Variants in KAZN observed in about 807,000 individuals in gnomAD.
KAZN encodes kazrin, periplakin interacting protein, also known as kazrin.
In KAZN, 40 loss-of-function variants were observed where a neutral mutation model predicts 87.4. The ratio of observed to expected loss-of-function variants is 0.46; its 90% confidence interval spans 0.36 to 0.60. The LOEUF (loss-of-function observed/expected upper bound fraction) is 0.60. Among genes scored for constraint, KAZN ranks in the 20% least tolerant of loss-of-function variants. The pLI is 0.00. For missense variants in KAZN, 898 were observed against 1,073.9 expected, an observed-to-expected ratio of 0.84 and a Z score of 2.29; for synonymous variants, 466 against 458.3, an observed-to-expected ratio of 1.02 and a Z score of -0.22.
intron 1 of KAZN, among the ~76,000 whole-genome samples, chr1:14,148,710 A>G (rs907695589): frequency 1.3e-5 from 2 of 152,300 alleles, no homozygotes; most frequent in Admixed American, 1.3e-4. Flanking sequence ...GTTGATGCGA[A>G]AGCAGATGGG....
chr1:14,825,882 C>T (rs551821336), intron 1 of KAZN, among the ~76,000 whole-genome samples: 9 of 152,330 alleles, frequency 5.9e-5, no homozygotes, highest in Non-Finnish European at 1.2e-4. Flanking sequence ...TTCTGTCTCT[C>T]TGGTCCACAC....
chr1:14,381,101 C>T (rs951376374), intron 2 of KAZN, among the ~76,000 whole-genome samples: 1 of 152,100 alleles, frequency 6.6e-6, no homozygotes, highest in Non-Finnish European at 1.5e-5. Context: ...TGCCAAGCCA[C>T]CACTGGAGCA....
intron 1 of KAZN, among the ~76,000 whole-genome samples, chr1:14,918,892 C>T (rs1236792091): frequency 6.6e-6 from 1 of 151,290 alleles, no homozygotes; most frequent in Non-Finnish European, 1.5e-5. Flanking sequence ...ACTGGAAGAC[C>T]CAGCTAAGCC....
intron 1 of KAZN, among the ~76,000 whole-genome samples, chr1:13,932,568 CAT>C (rs1640568838): frequency 6.6e-6 from 1 of 152,132 alleles, no homozygotes; most frequent in African/African-American, 2.4e-5. Context: ...CCTTATTAAA[CAT>C]ATTAAATCCA....
intron 2 of KAZN, among the ~76,000 whole-genome samples, chr1:14,345,650 G>A (rs1018538154): frequency 3.9e-5 from 6 of 152,164 alleles, no homozygotes; most frequent in African/African-American, 1.4e-4. Context: ...GATGATGACT[G>A]TCTTGGAACG....
At chr1:14,585,423 C>T (rs1313160780) in intron 2 of KAZN, among the ~76,000 whole-genome samples, 1 of 152,188 alleles carries the variant, frequency 6.6e-6, no homozygotes, top group Non-Finnish European at 1.5e-5. Context: ...GGGTTTACCT[C>T]AGGCCAGGTT....
intron 13 of KAZN, among the ~76,000 whole-genome samples, chr1:15,104,938 C>T (rs1332436290): frequency 2.6e-5 from 4 of 152,204 alleles, no homozygotes; most frequent in Non-Finnish European, 4.4e-5. Flanking sequence ...GTCCTTTATT[C>T]TATCAATATG....
intron 1 of KAZN, among the ~76,000 whole-genome samples, chr1:14,891,899 G>A (rs977760286): frequency 2.0e-5 from 3 of 152,094 alleles, no homozygotes; most frequent in Non-Finnish European, 4.4e-5. Context: ...GCAGTAAGAC[G>A]TGTCCATGAG....
chr1:14,119,782 T>A (rs1467488490), intron 1 of KAZN, among the ~76,000 whole-genome samples: 1 of 152,182 alleles, frequency 6.6e-6, no homozygotes, highest in African/African-American at 2.4e-5. Flanking sequence ...TGTGCACATC[T>A]GTCTCGTGTC....
intron 2 of KAZN, among the ~76,000 whole-genome samples, chr1:14,228,766 G>T (rs978341805): frequency 2.0e-5 from 3 of 152,200 alleles, no homozygotes; most frequent in Non-Finnish European, 4.4e-5. Context: ...AACATGAGCT[G>T]AATGTAAAAT....
chr1:14,716,271 CATTT>C (rs1489304315), intron 1 of KAZN, among the ~76,000 whole-genome samples: 2 of 152,116 alleles, frequency 1.3e-5, no homozygotes, highest in Non-Finnish European at 2.9e-5. Flanking sequence ...GATTATTTCA[CATTT>C]AAATTAATGG....
intron 2 of KAZN, among the ~76,000 whole-genome samples, chr1:14,590,415 T>C (rs1676125477): frequency 6.6e-6 from 1 of 151,930 alleles, no homozygotes; most frequent in Non-Finnish European, 1.5e-5. Context: ...CCTCAGCGAG[T>C]GCAGGGATGA....
At chr1:14,710,509 A>C (rs891780625) in intron 1 of KAZN, among the ~76,000 whole-genome samples, 4 of 152,092 alleles carry the variant, frequency 2.6e-5, no homozygotes, top group Admixed American at 6.5e-5. Context: ...CCACTGCGTT[A>C]GAGCTTAGCC....
At chr1:13,908,140 G>A (rs1380429198) in intron 1 of KAZN, among the ~76,000 whole-genome samples, 1 of 152,222 alleles carries the variant, frequency 6.6e-6, no homozygotes, top group African/African-American at 2.4e-5. Flanking sequence ...AGAATTCCTG[G>A]ACTTTGTTTC....
intron 1 of KAZN, among the ~76,000 whole-genome samples, chr1:14,170,813 C>T (rs1358112581): frequency 6.6e-6 from 1 of 152,086 alleles, no homozygotes; most frequent in Non-Finnish European, 1.5e-5. Context: ...CCTCTACCTC[C>T]TGGGTTCAAG....
intron 1 of KAZN, among the ~76,000 whole-genome samples, chr1:14,736,304 T>TGTA (rs201679446): frequency 2.2e-5 from 3 of 134,496 alleles, no homozygotes; most frequent in African/African-American, 9.8e-5. Flanking sequence ...TGTGTGTATA[T>TGTA]TTTTTTTTTT....
chr1:15,080,894 T>A (rs541675677), intron 8 of KAZN, among the ~76,000 whole-genome samples: 1 of 152,158 alleles, frequency 6.6e-6, no homozygotes, highest in East Asian at 1.9e-4. Context: ...CCCAGCAGCT[T>A]GTGGTTGGAG....
intron 1 of KAZN, among the ~76,000 whole-genome samples, chr1:14,934,209 CTT>C (rs1243741050): frequency 1.5e-5 from 2 of 137,192 alleles, no homozygotes; most frequent in Admixed American, 7.4e-5. Flanking sequence ...GTTTTCTTTT[CTT>C]TTTTTTTTTT....
intron 1 of KAZN, among the ~76,000 whole-genome samples, chr1:14,164,454 T>TTGTGTGTGTGTGTGTGTGTGTGTG (rs59816103): frequency 4.1e-5 from 6 of 144,644 alleles, no homozygotes; most frequent in African/African-American, 1.3e-4. Flanking sequence ...CACTATGGCT[T>TTGTGTGTGTGTGTGTGTGTGTGTG]TGTGTGTGTG....
Sources: gnomAD v4.1 joint callset for allele counts (sites outside exome capture counted in the v4.1 genomes callset) on GRCh38, gnomAD v4.1.1 for gene constraint, MANE v1.5 for transcripts, NCBI Gene and HGNC (gene_info 2026-07-23, HGNC 2026-07-21) for gene names.